Variants in CLSTN2 observed in about 807,000 individuals in gnomAD.
CLSTN2 encodes the protein calsyntenin-2.
CLSTN2 carries 48 observed loss-of-function variants against 101.2 expected under a neutral mutation model. The ratio of observed to expected loss-of-function variants is 0.47; its 90% CI spans 0.38 to 0.60. The LOEUF (loss-of-function observed/expected upper bound fraction) is 0.60, where lower values mean the gene tolerates loss of function less well. Ranked by LOEUF, CLSTN2 falls within the 20% of genes least tolerant of loss-of-function variation. The pLI, the probability that CLSTN2 is intolerant of heterozygous loss-of-function variation, is 0.00. For synonymous variants in CLSTN2, 481 were observed against 463.6 expected, an observed-to-expected ratio of 1.04 and a Z score of -0.48; for missense variants, 1,160 against 1,238.2, an observed-to-expected ratio of 0.94 and a Z score of 0.95.
intron 8 of CLSTN2, among the ~76,000 whole-genome samples, chr3:140,496,734 C>T (rs115038794): frequency 0.025 from 3,845 of 152,176 alleles, 153 homozygotes; most frequent in African/African-American, 0.087. Flanking sequence ...CCTGGATGCT[C>T]CTGTAGGGGG....
chr3:140,304,954 G>C (rs1387030927), intron 2 of CLSTN2, among the ~76,000 whole-genome samples: 1 of 151,848 alleles, frequency 6.6e-6, no homozygotes, highest in Non-Finnish European at 1.5e-5. Flanking sequence ...CCTGAATGTT[G>C]CATTAGAGGC....
At chr3:140,312,894 A>G (rs1419173840) in intron 2 of CLSTN2, among the ~76,000 whole-genome samples, 4 of 152,222 alleles carry the variant, frequency 2.6e-5, no homozygotes, top group Admixed American at 2.0e-4. Context: ...CAATTGGAGT[A>G]TTTGTTAGCT....
intron 5 of CLSTN2, among the ~76,000 whole-genome samples, chr3:140,423,337 T>C (rs184391857): frequency 2.4e-4 from 36 of 152,338 alleles, no homozygotes; most frequent in African/African-American, 8.4e-4. Context: ...TCTGCTATTA[T>C]GTCTCCAGTG....
Position 140,452,265 on chromosome 3 carries a change from T to G in CLSTN2, c.973+3561T>G, listed in dbSNP as rs1208660362. Among the ~76,000 whole-genome samples the G allele has an allele frequency of 2.0e-5, 3 of 152,062 alleles. No homozygotes were observed. The East Asian group carries it at 5.8e-4, about 29-fold the overall frequency. ...ATTACTACAGCACATTTCGCCCTGA[T>G]GTTCTGCTTCTGCTTGGTCAGGGCA... On this transcript the variant is annotated intron_variant, in intron 6 of 16. Transcript: ENST00000458420.
intron 1 of CLSTN2, among the ~76,000 whole-genome samples, chr3:140,076,271 A>T (rs191210383): frequency 4.8e-4 from 73 of 152,270 alleles, no homozygotes; most frequent in African/African-American, 1.7e-3. Flanking sequence ...ATATTCTATT[A>T]TGTGTATATG....
At chr3:140,534,493 A>C (rs1462987360) in intron 9 of CLSTN2, among the ~76,000 whole-genome samples, 3 of 152,240 alleles carry the variant, frequency 2.0e-5, no homozygotes, top group Admixed American at 1.3e-4. Flanking sequence ...GTTAAGTTGC[A>C]CTGCAATGAC....
chr3:140,259,107 A>AT (rs981152855), intron 2 of CLSTN2, among the ~76,000 whole-genome samples: 22 of 150,206 alleles, frequency 1.5e-4, no homozygotes, highest in African/African-American at 4.6e-4. Context: ...GCCTCCATGT[A>AT]TTTTTTTTTA....
chr3:140,554,940 A>G (rs1021647454), intron 10 of CLSTN2, among the ~76,000 whole-genome samples: 3 of 152,264 alleles, frequency 2.0e-5, no homozygotes, highest in African/African-American at 7.2e-5. Context: ...ATATTCACTG[A>G]TTATATATTT....
chr3:140,334,553 C>T (rs2087422073), intron 2 of CLSTN2, among the ~76,000 whole-genome samples: 1 of 152,202 alleles, frequency 6.6e-6, no homozygotes, highest in Non-Finnish European at 1.5e-5. Context: ...AGGACAGAGT[C>T]CCCACCTTAC....
chr3:140,532,606 C>CA (rs1173481095), intron 9 of CLSTN2, 120 bp downstream of exon 9: 366 of 717,374 alleles, frequency 5.1e-4, no homozygotes, highest in South Asian at 9.0e-4. Context: ...CTACCCCTTA[C>CA]AAAAAAAAAT....
chr3:140,054,665 G>A (rs2008065965), intron 1 of CLSTN2, among the ~76,000 whole-genome samples: 1 of 152,156 alleles, frequency 6.6e-6, no homozygotes, highest in South Asian at 2.1e-4. Context: ...AGAATGCAGT[G>A]GGCCATGTAT....
At chr3:140,335,141 A>G (rs1009238637) in intron 2 of CLSTN2, among the ~76,000 whole-genome samples, 3 of 152,194 alleles carry the variant, frequency 2.0e-5, no homozygotes, top group Admixed American at 6.5e-5. Context: ...TACCTGATAA[A>G]GGCTGCTGCA....
chr3:140,298,030 G>A (rs1391434934), intron 2 of CLSTN2, among the ~76,000 whole-genome samples: 1 of 152,238 alleles, frequency 6.6e-6, no homozygotes, highest in African/African-American at 2.4e-5. Context: ...TGGTAAGTTA[G>A]GGATCATAAT....
At chr3:140,261,892 T>G (rs1310321964) in intron 2 of CLSTN2, among the ~76,000 whole-genome samples, 1 of 152,208 alleles carries the variant, frequency 6.6e-6, no homozygotes, top group African/African-American at 2.4e-5. Flanking sequence ...TCTATTTTTT[T>G]ATGGCTTATC....
intron 1 of CLSTN2, among the ~76,000 whole-genome samples, chr3:140,108,266 TA>T (rs2009096421): frequency 6.6e-6 from 1 of 152,192 alleles, no homozygotes; most frequent in Non-Finnish European, 1.5e-5. Flanking sequence ...GTGTTTGGCA[TA>T]AAATATGCTT....
At chr3:140,560,512 A>G (rs1935889809) in intron 12 of CLSTN2, among the ~76,000 whole-genome samples, 4 of 152,036 alleles carry the variant, frequency 2.6e-5, no homozygotes, top group South Asian at 2.1e-4. Flanking sequence ...GACACTTCCA[A>G]CTGCTGGTGC....
intron 1 of CLSTN2, among the ~76,000 whole-genome samples, chr3:139,977,918 C>T (rs774957300): frequency 6.6e-5 from 10 of 152,134 alleles, no homozygotes; most frequent in Non-Finnish European, 1.3e-4. Context: ...GTTCTTAATG[C>T]TTCCTTTGCT....
At chr3:140,385,401 C>T (rs531270307) in intron 2 of CLSTN2, among the ~76,000 whole-genome samples, 7 of 126,924 alleles carry the variant, frequency 5.5e-5, no homozygotes, top group East Asian at 2.3e-4. Context: ...GATGGCGTCT[C>T]GCTGTCGCCC....
intron 2 of CLSTN2, among the ~76,000 whole-genome samples, chr3:140,389,863 A>G (rs751346153): frequency 1.4e-4 from 22 of 152,074 alleles, no homozygotes; most frequent in Non-Finnish European, 2.1e-4. Context: ...TTTGATTTGC[A>G]TTTCTCTAAT....
Sources: gnomAD v4.1 joint callset for allele counts (sites outside exome capture counted in the v4.1 genomes callset) on GRCh38, gnomAD v4.1.1 for gene constraint, MANE v1.5 for transcripts, NCBI Gene and HGNC (gene_info 2026-07-23, HGNC 2026-07-21) for gene names.